Variants in SLC5A11 observed in about 807,000 individuals in gnomAD.
The protein encoded by SLC5A11 is solute carrier family 5 member 11, also known as sodium/myo-inositol cotransporter 2.
Under a neutral mutation model 69.8 loss-of-function variants are expected in SLC5A11, and 48 were observed. That is an observed-to-expected ratio of 0.69 (90% CI 0.55 to 0.87). SLC5A11 has a LOEUF of 0.87. Ranked by LOEUF, SLC5A11 falls within the 40% of genes least tolerant of loss-of-function variation. SLC5A11 has a pLI of 0.00. For missense variants in SLC5A11, 784 were observed against 866.1 expected, an observed-to-expected ratio of 0.91 and a Z score of 1.19; for synonymous variants, 319 against 342.4, an observed-to-expected ratio of 0.93 and a Z score of 0.75.
At position 24,883,127 on chromosome 16, in the gene SLC5A11, G is replaced by A. The variant is rs1055378216; in HGVS notation, c.584-924G>A. On this transcript the variant is annotated intron_variant, in intron 7 of 15. Transcript: ENST00000347898. ...CACCCGTAATCCCAGCACCTTGGGA[G>A]GCCGAGGCAGGAGGACTGTTTGAAG... 2.6e-5 allele frequency among the ~76,000 whole-genome samples: 4 copies of A among 152,218 alleles called. No homozygotes were observed. In the East Asian group the frequency reaches 7.7e-4, roughly 29 times the overall value.
At chr16:24,891,022 G>A (rs781437540) in exon 9 of SLC5A11, 67 of 1,614,146 alleles carry the variant, frequency 4.2e-5, no homozygotes, top group Non-Finnish European at 5.6e-5. Context: ...CCGTGGCCGG[G>A]GGTCCTATTT....
At chr16:24,851,397 A>G (rs117548570) in intron 1 of SLC5A11, among the ~76,000 whole-genome samples, 8,095 of 152,096 alleles carry the variant, frequency 0.053, 339 homozygotes, top group South Asian at 0.12. Context: ...GTGGTTGCAA[A>G]CGCCTGTAAT....
chr16:24,850,316 G>A (rs997831465), intron 1 of SLC5A11, among the ~76,000 whole-genome samples: 1 of 152,226 alleles, frequency 6.6e-6, no homozygotes, highest in African/African-American at 2.4e-5. Context: ...GCATCAACGG[G>A]TGGAGGAGGC....
intron 8 of SLC5A11, among the ~76,000 whole-genome samples, chr16:24,887,236 C>A (rs1246526709): frequency 2.0e-5 from 3 of 151,790 alleles, no homozygotes; most frequent in Non-Finnish European, 2.9e-5. Flanking sequence ...AAGACAGAAA[C>A]AAAACAAAAT....
In SLC5A11 at chr16:24,883,901, C is replaced by T. The variant is rs146649347; in HGVS notation, c.584-150C>T. On this transcript the variant is annotated intron_variant, in intron 7 of 15. Coordinates refer to ENST00000347898, the Ensembl canonical transcript of SLC5A11. The stretch of plus-strand genomic sequence containing the variant: ...AGTCACATTGCAAAATGGGCGTGCA[C>T]ACAGGGAGGAGTGATCGTGGCCATC... 388 of 661,884 alleles carry T rather than the reference C, an allele frequency of 5.9e-4. 2 individuals carry two copies. In the African/African-American group the frequency reaches 6.2e-3, roughly 11 times the overall value. 41.0% of individuals were successfully genotyped at this position (661,884 alleles called of 1,614,324 possible).
Position 24,884,035 on chromosome 16 carries a change from G to A in SLC5A11, c.584-16G>A. ...GTTAGACTCCCTGACCCTCACCTCC[G>A]TGCTCATCCCACCAGGTGGCCTGGC... On this transcript the variant is annotated splice_polypyrimidine_tract_variant and intron_variant, in intron 7 of 15. Coordinates refer to ENST00000347898, the Ensembl canonical transcript of SLC5A11. 3 of 1,613,276 alleles carry A rather than the reference G, an allele frequency of 1.9e-6. No individual in the cohort carries two copies. The highest frequency in any genetic ancestry group is 2.5e-6 in the Non-Finnish European group (3 of 1,179,504).
intron 1 of SLC5A11, among the ~76,000 whole-genome samples, chr16:24,848,103 A>C (rs1409382338): frequency 6.6e-6 from 1 of 152,220 alleles, no homozygotes; most frequent in Admixed American, 6.5e-5. Context: ...TCCAGCAAAG[A>C]GTGCAGGGAA....
rs923123009 is a variant in SLC5A11, at chr16:24,860,897, T to C, written c.136-1704T>C. Reference sequence around the variant, plus strand: ...ATTTTTTTTGTATTTTTAGTAGAGATGGGGTTTCACCGTGTTAGCCAGGAT... The same window carrying C: ...ATTTTTTTTGTATTTTTAGTAGAGACGGGGTTTCACCGTGTTAGCCAGGAT... On this transcript the variant is annotated intron_variant, in intron 2 of 15. Coordinates refer to ENST00000347898, the Ensembl canonical transcript of SLC5A11. 3.9e-5 allele frequency among the ~76,000 whole-genome samples: 6 copies of C among 152,040 alleles called. 1 individual carries two copies. The highest frequency in any genetic ancestry group is 1.3e-4 in the Admixed American group (2 of 15,276).
intron 1 of SLC5A11, among the ~76,000 whole-genome samples, chr16:24,847,974 G>C (rs945758581): frequency 1.3e-5 from 2 of 152,228 alleles, no homozygotes; most frequent in African/African-American, 4.8e-5. Context: ...AGACTGTGAT[G>C]AGAAGTTGTG....
At chr16:24,860,698 G>GTTT (rs769815960) in intron 2 of SLC5A11, among the ~76,000 whole-genome samples, 2 of 151,652 alleles carry the variant, frequency 1.3e-5, no homozygotes, top group Admixed American at 6.6e-5. Flanking sequence ...ATATCTCAAA[G>GTTT]TTTTTTTTGT....
chr16:24,875,999 A>G (rs2047647287), intron 6 of SLC5A11, among the ~76,000 whole-genome samples: 1 of 152,074 alleles, frequency 6.6e-6, no homozygotes, highest in South Asian at 2.1e-4. Context: ...GTTTGAGGCC[A>G]GTCTGGCCAA....
chr16:24,902,210 C>G (rs1199515272), intron 10 of SLC5A11, among the ~76,000 whole-genome samples: 1 of 152,162 alleles, frequency 6.6e-6, no homozygotes, highest in Non-Finnish European at 1.5e-5. Context: ...AGAGCTACTT[C>G]TGACAAGGTT....
exon 7 of SLC5A11, chr16:24,877,348 G>A: frequency 6.2e-7 from 1 of 1,613,598 alleles, no homozygotes; most frequent in Non-Finnish European, 8.5e-7. Context: ...CATCACTGCT[G>A]TATACACGGT....
chr16:24,906,895 A>G, intron 11 of SLC5A11, 130 bp from the exon 13 acceptor site: 2 of 1,435,644 alleles, frequency 1.4e-6, no homozygotes, highest in Non-Finnish European at 1.9e-6. Context: ...CTCCCCAAGA[A>G]AGGCTACGTC....
chr16:24,854,374 T>C (rs1192553189), intron 1 of SLC5A11, among the ~76,000 whole-genome samples: 1 of 152,104 alleles, frequency 6.6e-6, no homozygotes, highest in African/African-American at 2.4e-5. Flanking sequence ...TTGTCAGCCA[T>C]GTGACTTTGG....
intron 7 of SLC5A11, among the ~76,000 whole-genome samples, chr16:24,878,840 C>G (rs2047857530): frequency 6.6e-6 from 1 of 152,130 alleles, no homozygotes; most frequent in Non-Finnish European, 1.5e-5. Context: ...CTAGACCAGC[C>G]TAGCCAACAT....
At chr16:24,871,263 G>GCTTGTTTGT (rs147017331) in intron 4 of SLC5A11, among the ~76,000 whole-genome samples, 15 of 151,926 alleles carry the variant, frequency 9.9e-5, no homozygotes, top group Non-Finnish European at 1.0e-4. Context: ...ATTTCTGCTT[G>GCTTGTTTGT]TTTGTTTTGT....
rs574024997 is a variant in SLC5A11 at position 24,905,917 on chromosome 16, A to G, written c.1007-740A>G. Among the ~76,000 whole-genome samples, 5 of 152,190 alleles carry G rather than the reference A, an allele frequency of 3.3e-5. No individual in the cohort carries two copies. In the South Asian group the frequency reaches 1.0e-3, roughly 32 times the overall value. On this transcript the variant is annotated intron_variant, in intron 10 of 15. Coordinates refer to ENST00000347898, the Ensembl canonical transcript of SLC5A11. ...AAGCTTACTGCAGCTCCTGAGTCATAGTAAACCTTCAGTTAATGTTGGGTT... is the reference window on the plus strand; with the variant it reads ...AAGCTTACTGCAGCTCCTGAGTCATGGTAAACCTTCAGTTAATGTTGGGTT...
chr16:24,855,715 T>G (rs985460483), intron 1 of SLC5A11, among the ~76,000 whole-genome samples: 1 of 151,648 alleles, frequency 6.6e-6, no homozygotes. Context: ...ACAAAAAGGC[T>G]TGAGAGAGCC....
Sources: allele counts gnomAD v4.1 joint callset (sites outside exome capture counted in the v4.1 genomes callset), GRCh38; gene constraint gnomAD v4.1.1; transcripts MANE v1.5; gene names NCBI Gene and HGNC (gene_info 2026-07-23, HGNC 2026-07-21).